Variants in GNB1 observed in about 807,000 individuals in gnomAD.
GNB1 encodes the protein G protein subunit beta 1, also known as guanine nucleotide-binding protein G(I)/G(S)/G(T) subunit beta-1.
Under a neutral mutation model 42.9 loss-of-function variants are expected in GNB1, and 2 were observed. The observed-to-expected ratio is 0.05, with a 90% CI of 0.02 to 0.15. GNB1 has a LOEUF of 0.15. Ranked by LOEUF, GNB1 falls within the 10% of genes least tolerant of loss-of-function variation. The pLI, the probability that GNB1 is intolerant of heterozygous loss-of-function variation, is 1.00. For synonymous variants in GNB1, 183 were observed against 174.7 expected (o/e 1.05, Z -0.38); for missense variants, 193 against 462.2 (o/e 0.42, Z 5.34).
chr1:1,836,076 T>A (rs972935769), intron 2 of GNB1, among the ~76,000 whole-genome samples: 1 of 151,460 alleles, frequency 6.6e-6, no homozygotes, highest in Non-Finnish European at 1.5e-5. Flanking sequence ...AGAGACAGAG[T>A]GAGACCCTAT....
chr1:1,845,491 T>G (rs1330407845), intron 1 of GNB1, among the ~76,000 whole-genome samples: 1 of 152,086 alleles, frequency 6.6e-6, no homozygotes, highest in Non-Finnish European at 1.5e-5. Context: ...GAGAATGGCG[T>G]GAACCCAGGA....
intron 7 of GNB1, among the ~76,000 whole-genome samples, chr1:1,800,233 C>T (rs560919274): frequency 1.3e-5 from 2 of 152,306 alleles, no homozygotes; most frequent in South Asian, 4.1e-4. Context: ...CTGGGATCAG[C>T]AGACAAGAAC....
At chr1:1,815,169 T>C (rs72909077) in intron 5 of GNB1, among the ~76,000 whole-genome samples, 1,638 of 150,380 alleles carry the variant, frequency 0.011, 29 homozygotes, top group African/African-American at 0.037. Context: ...TGAAGGGAAT[T>C]ATCTCTTGGG....
rs1303880622 is a variant in GNB1, at chr1:1,789,282, A to G, written c.700-13T>C. 6.8e-7 allele frequency: 1 copy of G among 1,472,824 alleles called. No individual in the cohort carries two copies. Among genetic ancestry groups the G allele is most frequent in the Non-Finnish European group, 9.5e-7 (1 of 1,051,388 alleles). The allele number at this position is 1,472,824 out of a possible 1,614,324, so 91.2% of individuals were successfully genotyped here. ...CATTTGGAAAGAACTGGAAAGAGAA[A>G]GCAAATCAAGACATCATGTAAACGC... On this transcript the variant is annotated splice_polypyrimidine_tract_variant and intron_variant, in intron 9 of 11. Coordinates refer to ENST00000378609, the MANE Select transcript of GNB1 (RefSeq NM_002074.5).
intron 10 of GNB1, chr1:1,788,782 G>T (rs180910264): frequency 9.5e-6 from 4 of 421,086 alleles, no homozygotes; most frequent in African/African-American, 5.9e-5. Flanking sequence ...ACGGGGCTGG[G>T]CCCTGGAGCC....
intron 1 of GNB1, among the ~76,000 whole-genome samples, chr1:1,863,221 T>C (rs1054812542): frequency 1.3e-5 from 2 of 152,160 alleles, no homozygotes; most frequent in African/African-American, 4.8e-5. Context: ...GAGGCTCAGA[T>C]GGGCAAGTTG....
At chr1:1,815,953 C>T in intron 4 of GNB1, 91 bp from the exon 5 acceptor site, 1 of 758,148 alleles carries the variant, frequency 1.3e-6, no homozygotes, top group South Asian at 1.6e-5. Flanking sequence ...GGCTCGCCCA[C>T]TGTGCCTACC....
chr1:1,831,522 C>T (rs890035351), intron 2 of GNB1, among the ~76,000 whole-genome samples: 13 of 152,120 alleles, frequency 8.5e-5, no homozygotes, highest in Admixed American at 7.2e-4. Context: ...GATCTCGGCT[C>T]ACTGCAACCT....
At chr1:1,860,384 A>G (rs1173146797) in intron 1 of GNB1, among the ~76,000 whole-genome samples, 1 of 152,180 alleles carries the variant, frequency 6.6e-6, no homozygotes, top group East Asian at 1.9e-4. Context: ...GCATCATGCA[A>G]TATAACCAGG....
intron 1 of GNB1, among the ~76,000 whole-genome samples, chr1:1,855,505 T>G (rs1214300570): frequency 1.3e-5 from 2 of 151,706 alleles, no homozygotes; most frequent in Non-Finnish European, 2.9e-5. Flanking sequence ...ATCAAGACCA[T>G]CCTGGCTAAC....
chr1:1,886,973 A>G (rs1407478226), intron 1 of GNB1, among the ~76,000 whole-genome samples: 2 of 152,172 alleles, frequency 1.3e-5, no homozygotes, highest in African/African-American at 2.4e-5. Context: ...TCGGCCTCCC[A>G]AAGTGCTGGG....
intron 1 of GNB1, among the ~76,000 whole-genome samples, chr1:1,843,885 C>A (rs1647464632): frequency 6.6e-6 from 1 of 151,992 alleles, no homozygotes; most frequent in South Asian, 2.1e-4. Context: ...CATGGTGAAA[C>A]CCTCTCCACT....
At chr1:1,803,329 C>T (rs1301130711) in intron 7 of GNB1, among the ~76,000 whole-genome samples, 2 of 152,204 alleles carry the variant, frequency 1.3e-5, no homozygotes, top group East Asian at 1.9e-4. Context: ...GACAGGGTCT[C>T]GCTTTCGCCC....
intron 1 of GNB1, among the ~76,000 whole-genome samples, chr1:1,859,314 GC>G (rs1648480329): frequency 7.0e-6 from 1 of 143,198 alleles, no homozygotes; most frequent in Non-Finnish European, 1.5e-5. Context: ...GAGCCACCAC[GC>G]CCCGACGGGG....
chr1:1,874,241 C>T (rs1185726491), intron 1 of GNB1, among the ~76,000 whole-genome samples: 1 of 152,178 alleles, frequency 6.6e-6, no homozygotes, highest in Non-Finnish European at 1.5e-5. Flanking sequence ...GAGGCCGAGG[C>T]AGGCAGATCA....
At chr1:1,872,471 G>A (rs924600883) in intron 1 of GNB1, among the ~76,000 whole-genome samples, 3 of 152,168 alleles carry the variant, frequency 2.0e-5, no homozygotes, top group Non-Finnish European at 4.4e-5. Flanking sequence ...CCTGCCTGAG[G>A]CCGTGTGGCC....
At chr1:1,839,638 G>A (rs1483467135) in intron 1 of GNB1, 1 of 151,908 alleles carries the variant, frequency 6.6e-6, no homozygotes, top group East Asian at 1.9e-4. Context: ...CCTGAGGTCA[G>A]GAATTGGAGA....
chr1:1,845,206 C>G (rs1404890222), intron 1 of GNB1, among the ~76,000 whole-genome samples: 2 of 152,188 alleles, frequency 1.3e-5, no homozygotes, highest in East Asian at 3.8e-4. Context: ...AATACTCTAA[C>G]TGTACAAACG....
chr1:1,865,300 A>C (rs1648872278), intron 1 of GNB1, among the ~76,000 whole-genome samples: 1 of 146,148 alleles, frequency 6.8e-6, no homozygotes, highest in Non-Finnish European at 1.5e-5. Context: ...CAAAAAAAAA[A>C]AACAGGCAAC....
Sources: gnomAD v4.1 joint callset for allele counts (sites outside exome capture counted in the v4.1 genomes callset) on GRCh38, gnomAD v4.1.1 for gene constraint, MANE v1.5 for transcripts, NCBI Gene and HGNC (gene_info 2026-07-23, HGNC 2026-07-21) for gene names.